CNTN4: variants seen among roughly 807,000 people sequenced by gnomAD.
The protein encoded by CNTN4 is contactin 4.
In CNTN4, 77 loss-of-function variants were observed where a neutral mutation model predicts 122.5. The observed-to-expected ratio is 0.63, with a 90% confidence interval of 0.52 to 0.76. CNTN4 has a LOEUF of 0.76. Ranked by LOEUF, CNTN4 falls within the 30% of genes least tolerant of loss-of-function variation. The pLI is 0.00. For synonymous variants in CNTN4, 512 were observed against 447.0 expected (o/e 1.15, Z -1.83); for missense variants, 1,256 against 1,259.1 (o/e 1.00, Z 0.04).
intron 12 of CNTN4, among the ~76,000 whole-genome samples, chr3:2,905,778 G>C (rs998418008): frequency 1.6e-4 from 24 of 152,328 alleles, no homozygotes; most frequent in African/African-American, 5.8e-4. Context: ...TTGGCTAGGG[G>C]GCTGGGCTGG....
At chr3:2,129,514 A>G (rs2034351424) in intron 2 of CNTN4, among the ~76,000 whole-genome samples, 1 of 152,022 alleles carries the variant, frequency 6.6e-6, no homozygotes, top group Non-Finnish European at 1.5e-5. Context: ...CAAAGAGGGC[A>G]TGTTTATAGA....
intron 3 of CNTN4, among the ~76,000 whole-genome samples, chr3:2,392,744 T>A (rs1444240997): frequency 6.6e-6 from 1 of 152,186 alleles, no homozygotes; most frequent in African/African-American, 2.4e-5. Flanking sequence ...ATTCCTCTTA[T>A]TTAACTAAAG....
chr3:2,189,770 T>G (rs2037439962), intron 2 of CNTN4, among the ~76,000 whole-genome samples: 1 of 152,212 alleles, frequency 6.6e-6, no homozygotes, highest in African/African-American at 2.4e-5. Flanking sequence ...ACTAAAATAT[T>G]TTCTAATGCT....
intron 12 of CNTN4, among the ~76,000 whole-genome samples, chr3:2,917,362 C>CGGAGAA (rs1369620758): frequency 2.0e-5 from 3 of 151,826 alleles, no homozygotes; most frequent in African/African-American, 2.4e-5. Context: ...GAGACGGAGA[C>CGGAGAA]GGAGAGGTGT....
chr3:2,482,441 A>T (rs947946960), intron 3 of CNTN4, among the ~76,000 whole-genome samples: 8 of 152,262 alleles, frequency 5.3e-5, no homozygotes, highest in African/African-American at 1.9e-4. Flanking sequence ...GAAAAAAAAA[A>T]ACCATTTTCT....
chr3:2,145,724 A>G (rs1428575544), intron 2 of CNTN4, among the ~76,000 whole-genome samples: 2 of 152,172 alleles, frequency 1.3e-5, no homozygotes, highest in Non-Finnish European at 2.9e-5. Flanking sequence ...TTTCAATCCT[A>G]TTTGTTGAAC....
intron 7 of CNTN4, among the ~76,000 whole-genome samples, chr3:2,854,963 A>G (rs1408465504): frequency 6.6e-6 from 1 of 152,180 alleles, no homozygotes; most frequent in Non-Finnish European, 1.5e-5. Flanking sequence ...AAAAAGCAAA[A>G]TTTCTATTAA....
rs370506181 is a variant in CNTN4, at chr3:2,994,613, A to ATATATATATATATATATATATG, written c.1486+6142_1486+6143insATATATATATATATATATATGT. ...TTTTTTCATATATATATATATATATATGTGTGTATATATATATTTGTACCA... is the reference window on the plus strand; with the variant it reads ...TTTTTTCATATATATATATATATATATATATATATATATATATATATGTGTGTGTATATATATATTTGTACCA... On this transcript the variant is annotated intron_variant, in intron 14 of 24. Coordinates refer to ENST00000418658, the MANE Select transcript of CNTN4 (RefSeq NM_175607.3). Among the ~76,000 whole-genome samples, 148 of 142,162 alleles carry ATATATATATATATATATATATG rather than the reference A, an allele frequency of 1.0e-3. 1 individual carries two copies. The highest frequency in any genetic ancestry group is 3.8e-3 in the African/African-American group (144 of 38,222). 93.3% of individuals were successfully genotyped at this position (142,162 alleles called of 152,430 possible). A position where few individuals can be genotyped will look rare whatever the true frequency, so the allele number is the denominator to read the frequency against.
chr3:2,540,410 A>G (rs1008194172), intron 3 of CNTN4, among the ~76,000 whole-genome samples: 1 of 151,940 alleles, frequency 6.6e-6, no homozygotes, highest in East Asian at 1.9e-4. Flanking sequence ...CAAAACAGAA[A>G]GCGGCCGACT....
intron 5 of CNTN4, among the ~76,000 whole-genome samples, chr3:2,737,200 C>T (rs1053283559): frequency 2.6e-5 from 4 of 152,134 alleles, no homozygotes; most frequent in Admixed American, 2.6e-4. Flanking sequence ...GGCACCTCAG[C>T]CTCCTGAGTA....
intron 5 of CNTN4, among the ~76,000 whole-genome samples, chr3:2,744,299 T>A (rs2089637041): frequency 6.6e-6 from 1 of 152,216 alleles, no homozygotes; most frequent in South Asian, 2.1e-4. Flanking sequence ...TTTTTTCATG[T>A]AAATCCTTTT....
chr3:2,253,322 G>A (rs2040447003), intron 2 of CNTN4, among the ~76,000 whole-genome samples: 1 of 152,076 alleles, frequency 6.6e-6, no homozygotes, highest in African/African-American at 2.4e-5. Flanking sequence ...CATAAAAGTA[G>A]CCTTATAGCC....
chr3:2,313,389 C>T (rs904777013), intron 2 of CNTN4, among the ~76,000 whole-genome samples: 6 of 151,462 alleles, frequency 4.0e-5, no homozygotes, highest in African/African-American at 1.2e-4. Flanking sequence ...GAAAAGAAAC[C>T]CTGAAAAGTT....
At chr3:2,281,541 G>T (rs183851782) in intron 2 of CNTN4, among the ~76,000 whole-genome samples, 1 of 152,072 alleles carries the variant, frequency 6.6e-6, no homozygotes, top group Admixed American at 6.6e-5. Context: ...ATTCCTAAAG[G>T]AATACAGCAA....
chr3:2,297,477 T>C (rs2042356083), intron 2 of CNTN4, among the ~76,000 whole-genome samples: 1 of 152,182 alleles, frequency 6.6e-6, no homozygotes. Context: ...TCAGATTCCA[T>C]CTCCTCAGTG....
intron 4 of CNTN4, among the ~76,000 whole-genome samples, chr3:2,622,121 A>G (rs570566235): frequency 2.6e-5 from 4 of 152,276 alleles, no homozygotes; most frequent in African/African-American, 9.6e-5. Context: ...CTTGCTCTGC[A>G]TGCCTATCTT....
chr3:2,525,249 G>C (rs1401171232), intron 3 of CNTN4, among the ~76,000 whole-genome samples: 2 of 152,192 alleles, frequency 1.3e-5, no homozygotes, highest in East Asian at 3.9e-4. Context: ...TATGGGGACT[G>C]CCTTTTCTTT....
At chr3:2,780,418 C>G (rs1289147264) in intron 6 of CNTN4, among the ~76,000 whole-genome samples, 1 of 152,208 alleles carries the variant, frequency 6.6e-6, no homozygotes. Context: ...GATCTTCCAA[C>G]TCTCAATATA....
intron 2 of CNTN4, among the ~76,000 whole-genome samples, chr3:2,170,043 C>T (rs141881771): frequency 0.01 from 1,587 of 152,086 alleles, 27 homozygotes; most frequent in African/African-American, 0.036. Flanking sequence ...TAAGGGAGGC[C>T]GGGCGCGGTG....
Sources: allele counts gnomAD v4.1 joint callset (sites outside exome capture counted in the v4.1 genomes callset), GRCh38; gene constraint gnomAD v4.1.1; transcripts MANE v1.5; gene names NCBI Gene and HGNC (gene_info 2026-07-23, HGNC 2026-07-21).